Variants in CNTN4 observed in about 807,000 individuals in gnomAD.
The protein encoded by CNTN4 is contactin 4, also known as contactin-4.
Under a neutral mutation model 122.5 loss-of-function variants are expected in CNTN4, and 77 were observed. That is an observed-to-expected ratio of 0.63 (90% CI 0.52 to 0.76). The LOEUF is 0.76. Ranked by LOEUF, CNTN4 falls within the 30% of genes least tolerant of loss-of-function variation. CNTN4 has a pLI of 0.00. For missense variants in CNTN4, 1,256 were observed against 1,259.1 expected (o/e 1.00, Z 0.04); for synonymous variants, 512 against 447.0 (o/e 1.15, Z -1.83).
intron 13 of CNTN4, among the ~76,000 whole-genome samples, chr3:2,926,991 C>T (rs1474216269): frequency 6.6e-6 from 1 of 152,092 alleles, no homozygotes; most frequent in African/African-American, 2.4e-5. Flanking sequence ...TTATTTACTT[C>T]AGTGTTTCTT....
At chr3:2,102,552 G>T (rs1043157737) in intron 2 of CNTN4, among the ~76,000 whole-genome samples, 2 of 152,112 alleles carry the variant, frequency 1.3e-5, no homozygotes, top group African/African-American at 4.8e-5. Flanking sequence ...GGGTGATCAT[G>T]GCAGTACTCC....
At chr3:2,492,810 T>C (rs2076354060) in intron 3 of CNTN4, among the ~76,000 whole-genome samples, 1 of 152,208 alleles carries the variant, frequency 6.6e-6, no homozygotes, top group Non-Finnish European at 1.5e-5. Flanking sequence ...AAGAACCGCA[T>C]GCCAGTACCC....
intron 2 of CNTN4, among the ~76,000 whole-genome samples, chr3:2,223,984 GAGAC>G (rs1408025856): frequency 1.3e-5 from 2 of 152,142 alleles, no homozygotes; most frequent in Non-Finnish European, 2.9e-5. Context: ...GGAGAGATAA[GAGAC>G]AGGAGGGTGA....
intron 2 of CNTN4, among the ~76,000 whole-genome samples, chr3:2,158,502 A>G (rs2035820696): frequency 6.6e-6 from 1 of 152,204 alleles, no homozygotes; most frequent in African/African-American, 2.4e-5. Context: ...TACCTCTTAG[A>G]TGAAAATGGT....
chr3:2,288,806 T>A (rs1249289742), intron 2 of CNTN4, among the ~76,000 whole-genome samples: 1 of 152,126 alleles, frequency 6.6e-6, no homozygotes, highest in African/African-American at 2.4e-5. Flanking sequence ...TAGGAAAATG[T>A]TGGCTGGAAA....
At chr3:2,248,984 G>GT (rs1051893372) in intron 2 of CNTN4, among the ~76,000 whole-genome samples, 2 of 151,896 alleles carry the variant, frequency 1.3e-5, no homozygotes, top group African/African-American at 4.8e-5. Context: ...ATGAGACTGA[G>GT]AGTAGTAGCT....
intron 3 of CNTN4, among the ~76,000 whole-genome samples, chr3:2,556,887 A>G (rs1382774738): frequency 1.3e-5 from 2 of 152,148 alleles, no homozygotes; most frequent in Admixed American, 6.6e-5. Context: ...GAAATGGAAC[A>G]AAGTTTTTTC....
intron 18 of CNTN4, among the ~76,000 whole-genome samples, chr3:3,038,694 C>G (rs1325114387): frequency 6.6e-6 from 1 of 152,226 alleles, no homozygotes; most frequent in African/African-American, 2.4e-5. Context: ...TCAGACGTGT[C>G]AGATAACACG....
chr3:2,921,707 A>G (rs1431302762), intron 12 of CNTN4, among the ~76,000 whole-genome samples: 1 of 152,214 alleles, frequency 6.6e-6, no homozygotes, highest in African/African-American at 2.4e-5. Flanking sequence ...TTCTTCTTCA[A>G]TAATGTAGTA....
chr3:2,514,564 C>A (rs775465317), intron 3 of CNTN4, among the ~76,000 whole-genome samples: 2 of 152,138 alleles, frequency 1.3e-5, no homozygotes, highest in Non-Finnish European at 2.9e-5. Flanking sequence ...CAAGCCTTAA[C>A]TGTGCATTGT....
chr3:2,494,186 G>T (rs1012081188), intron 3 of CNTN4, among the ~76,000 whole-genome samples: 1 of 152,124 alleles, frequency 6.6e-6, no homozygotes, highest in Non-Finnish European at 1.5e-5. Context: ...AGTGACCAAG[G>T]CCTAAGGCAC....
chr3:3,014,443 T>C (rs1697548325), intron 14 of CNTN4, among the ~76,000 whole-genome samples: 1 of 152,306 alleles, frequency 6.6e-6, no homozygotes, highest in Non-Finnish European at 1.5e-5. Flanking sequence ...CAAATGACTG[T>C]AATTACAAAG....
chr3:2,778,225 T>C (rs1038952821), intron 6 of CNTN4, among the ~76,000 whole-genome samples: 1 of 147,514 alleles, frequency 6.8e-6, no homozygotes, highest in East Asian at 2.0e-4. Flanking sequence ...AATAAATAAA[T>C]AAATAAATAA....
chr3:2,109,702 G>A (rs890443292), intron 2 of CNTN4, among the ~76,000 whole-genome samples: 9 of 152,212 alleles, frequency 5.9e-5, no homozygotes, highest in African/African-American at 2.2e-4. Context: ...ATCATTTTAA[G>A]TTGTGCAAAT....
intron 2 of CNTN4, among the ~76,000 whole-genome samples, chr3:2,336,857 A>G (rs1259650335): frequency 1.3e-5 from 2 of 152,128 alleles, no homozygotes; most frequent in Non-Finnish European, 2.9e-5. Context: ...GGTTCTCTCA[A>G]GACTGGCTTC....
At chr3:2,718,239 T>A (rs1198636524) in intron 4 of CNTN4, among the ~76,000 whole-genome samples, 1 of 151,114 alleles carries the variant, frequency 6.6e-6, no homozygotes, top group South Asian at 2.1e-4. Flanking sequence ...TTTTCTTGGT[T>A]TTTTTTTTAA....
chr3:2,658,616 A>G (rs946996729), intron 4 of CNTN4, among the ~76,000 whole-genome samples: 1 of 152,166 alleles, frequency 6.6e-6, no homozygotes, highest in African/African-American at 2.4e-5. Context: ...ATTTCCTTAA[A>G]TACCCAAACC....
At chr3:2,235,714 G>A (rs1436309953) in intron 2 of CNTN4, among the ~76,000 whole-genome samples, 1 of 152,054 alleles carries the variant, frequency 6.6e-6, no homozygotes, top group Non-Finnish European at 1.5e-5. Context: ...TAATTTAGAA[G>A]TAACAAGAGC....
At chr3:2,167,738 G>A (rs1359899340) in intron 2 of CNTN4, among the ~76,000 whole-genome samples, 2 of 152,038 alleles carry the variant, frequency 1.3e-5, no homozygotes, top group South Asian at 2.1e-4. Flanking sequence ...GAAAACATTC[G>A]AACAAAATAC....
Sources: gnomAD v4.1 joint callset for allele counts (sites outside exome capture counted in the v4.1 genomes callset) on GRCh38, gnomAD v4.1.1 for gene constraint, MANE v1.5 for transcripts, NCBI Gene and HGNC (gene_info 2026-07-23, HGNC 2026-07-21) for gene names.